The following KCNIP4 variants were observed in gnomAD, a reference collection of about 807,000 sequenced individuals.
The protein encoded by KCNIP4 is potassium voltage-gated channel interacting protein 4, also known as Kv channel-interacting protein 4.
KCNIP4 carries 12 observed loss-of-function variants against 34.0 expected under a neutral mutation model. The observed-to-expected ratio is 0.35, with a 90% CI of 0.23 to 0.57. KCNIP4 has a LOEUF of 0.57. Among genes scored for constraint, KCNIP4 ranks in the 20% least tolerant of loss-of-function variants. KCNIP4 has a pLI of 0.83. For synonymous variants in KCNIP4, 124 were observed against 102.2 expected, an observed-to-expected ratio of 1.21 and a Z score of -1.29; for missense variants, 238 against 311.7, an observed-to-expected ratio of 0.76 and a Z score of 1.78.
intron 1 of KCNIP4, among the ~76,000 whole-genome samples, chr4:21,190,211 C>A (rs1459083173): frequency 6.6e-6 from 1 of 152,136 alleles, no homozygotes; most frequent in Non-Finnish European, 1.5e-5. Context: ...GTATAATCTA[C>A]TAAACAATCT....
At chr4:21,112,808 G>A (rs185542637) in intron 1 of KCNIP4, among the ~76,000 whole-genome samples, 150 of 152,090 alleles carry the variant, frequency 9.9e-4, no homozygotes, top group African/African-American at 3.3e-3. Flanking sequence ...GAAAATGGAA[G>A]GTTGTTTCCA....
At chr4:21,121,729 A>C (rs2109136917) in intron 1 of KCNIP4, among the ~76,000 whole-genome samples, 1 of 152,354 alleles carries the variant, frequency 6.6e-6, no homozygotes, top group South Asian at 2.1e-4. Flanking sequence ...TATTGCCCAA[A>C]ACATAACCTT....
At chr4:21,602,389 C>T (rs545994653) in intron 1 of KCNIP4, among the ~76,000 whole-genome samples, 5 of 152,212 alleles carry the variant, frequency 3.3e-5, no homozygotes, top group African/African-American at 1.2e-4. Context: ...GCAGTAGATA[C>T]TCAATAAATG....
intron 1 of KCNIP4, among the ~76,000 whole-genome samples, chr4:21,145,172 G>A (rs1752261126): frequency 6.6e-6 from 1 of 152,074 alleles, no homozygotes; most frequent in African/African-American, 2.4e-5. Context: ...TAAACTCCCT[G>A]CAACTCCACC....
chr4:21,169,685 T>C (rs1753879042), intron 1 of KCNIP4, among the ~76,000 whole-genome samples: 1 of 151,428 alleles, frequency 6.6e-6, no homozygotes, highest in Admixed American at 6.6e-5. Flanking sequence ...TGTGTGTGTG[T>C]GTGTGTGTGT....
intron 1 of KCNIP4, chr4:21,763,107 A>C (rs998060272): frequency 7.8e-7 from 1 of 1,288,018 alleles, no homozygotes; most frequent in African/African-American, 1.5e-5. Flanking sequence ...CCTAACAACG[A>C]GCACAGGTTC....
chr4:20,976,665 C>T (rs1052974303), intron 1 of KCNIP4, among the ~76,000 whole-genome samples: 5 of 152,058 alleles, frequency 3.3e-5, no homozygotes, highest in African/African-American at 1.2e-4. Context: ...CCTGTGGGCC[C>T]CTGGAAGGAG....
chr4:21,565,970 T>G (rs1317078850), intron 1 of KCNIP4, among the ~76,000 whole-genome samples: 1 of 151,988 alleles, frequency 6.6e-6, no homozygotes, highest in Non-Finnish European at 1.5e-5. Context: ...AAAAGAAGGA[T>G]GCTCTAAGTA....
intron 1 of KCNIP4, among the ~76,000 whole-genome samples, chr4:21,268,660 A>G (rs7695781): frequency 6.6e-6 from 1 of 152,306 alleles, no homozygotes; most frequent in Admixed American, 6.5e-5. Flanking sequence ...TTTCTTTTAC[A>G]TGTGGCCTTT....
intron 5 of KCNIP4, among the ~76,000 whole-genome samples, chr4:20,736,321 A>C (rs937616050): frequency 1.3e-5 from 2 of 152,190 alleles, no homozygotes; most frequent in African/African-American, 4.8e-5. Flanking sequence ...TTATTTAACC[A>C]AATTGTTCTT....
intron 1 of KCNIP4, among the ~76,000 whole-genome samples, chr4:21,065,214 G>A (rs561038411): frequency 5.9e-5 from 9 of 151,796 alleles, no homozygotes; most frequent in East Asian, 3.9e-4. Context: ...AGCTTGTGGT[G>A]AACGTACAAG....
At chr4:21,044,923 CA>C (rs1742306007) in intron 1 of KCNIP4, among the ~76,000 whole-genome samples, 1 of 152,140 alleles carries the variant, frequency 6.6e-6, no homozygotes, top group African/African-American at 2.4e-5. Flanking sequence ...TTTAAAATAT[CA>C]GAATTATTAT....
chr4:21,056,566 A>G (rs1393596787), intron 1 of KCNIP4, among the ~76,000 whole-genome samples: 1 of 152,142 alleles, frequency 6.6e-6, no homozygotes, highest in Non-Finnish European at 1.5e-5. Context: ...CATTTGCCCT[A>G]CATACACCCA....
chr4:21,340,813 T>A (rs1716686932), intron 1 of KCNIP4, among the ~76,000 whole-genome samples: 1 of 152,034 alleles, frequency 6.6e-6, no homozygotes, highest in Non-Finnish European at 1.5e-5. Flanking sequence ...AAGCATTAGG[T>A]GGATTTTTCA....
At chr4:20,953,099 A>G (rs550598998) in intron 1 of KCNIP4, among the ~76,000 whole-genome samples, 1 of 152,358 alleles carries the variant, frequency 6.6e-6, no homozygotes, top group South Asian at 2.1e-4. Flanking sequence ...GAGGGACACA[A>G]ACATCCAGAT....
intron 1 of KCNIP4, among the ~76,000 whole-genome samples, chr4:21,648,215 T>C (rs1442223510): frequency 6.6e-6 from 1 of 152,036 alleles, no homozygotes; most frequent in Non-Finnish European, 1.5e-5. Context: ...ACTGATGTCC[T>C]TCATCCCTGC....
chr4:21,833,457 A>C (rs1723120311), intron 1 of KCNIP4, among the ~76,000 whole-genome samples: 1 of 151,940 alleles, frequency 6.6e-6, no homozygotes, highest in Non-Finnish European at 1.5e-5. Flanking sequence ...TTTCTTGTAA[A>C]TTTGTTTGAG....
chr4:21,597,520 G>A (rs1742753332), intron 1 of KCNIP4, among the ~76,000 whole-genome samples: 1 of 152,092 alleles, frequency 6.6e-6, no homozygotes, highest in South Asian at 2.1e-4. Context: ...TGAAAGCCAG[G>A]CTTGTCTCAG....
chr4:21,091,258 T>A (rs1746971215), intron 1 of KCNIP4, among the ~76,000 whole-genome samples: 1 of 152,322 alleles, frequency 6.6e-6, no homozygotes, highest in South Asian at 2.1e-4. Flanking sequence ...CAAAGATGAA[T>A]AATTCTAGGA....
Sources: gnomAD v4.1 joint callset for allele counts (sites outside exome capture counted in the v4.1 genomes callset) on GRCh38, gnomAD v4.1.1 for gene constraint, MANE v1.5 for transcripts, NCBI Gene and HGNC (gene_info 2026-07-23, HGNC 2026-07-21) for gene names.